The following DYNC2LI1 variants were observed in gnomAD, a reference collection of about 807,000 sequenced individuals.
DYNC2LI1 encodes dynein cytoplasmic 2 light intermediate chain 1, also known as cytoplasmic dynein 2 light intermediate chain 1.
Under a neutral mutation model 51.9 loss-of-function variants are expected in DYNC2LI1, and 45 were observed. That is an observed-to-expected ratio of 0.87 (90% CI 0.68 to 1.11). The LOEUF (loss-of-function observed/expected upper bound fraction) is 1.11. Ranked by LOEUF, DYNC2LI1 falls within the 50% of genes most tolerant of loss-of-function variation. The pLI is 0.00. For missense variants in DYNC2LI1, 490 were observed against 417.4 expected (o/e 1.17, Z -1.51); for synonymous variants, 130 against 137.8 (o/e 0.94, Z 0.40).
In DYNC2LI1 at chr2:43,805,136, T is replaced by G; in HGVS notation, c.901-18T>G. The G allele has an allele frequency of 4.8e-5, 75 of 1,564,778 alleles. No individual in the cohort carries two copies. The highest frequency in any genetic ancestry group is 6.3e-5 in the Non-Finnish European group (72 of 1,140,096). On this transcript the variant is annotated intron_variant, in intron 11 of 12. Coordinates refer to ENST00000260605, the MANE Select transcript of DYNC2LI1 (RefSeq NM_016008.4). ...TTGGTTTATGGGCGTGAAGTGATTT[T>G]GAGATTTGTAATTTCAGAGTATTAA...
intron 8 of DYNC2LI1, among the ~76,000 whole-genome samples, chr2:43,798,577 G>T (rs564109590): frequency 7.9e-5 from 12 of 152,284 alleles, no homozygotes; most frequent in African/African-American, 2.9e-4. Context: ...TTTGATGGAG[G>T]GTCCAGTCTG....
rs1241138152 is a variant in DYNC2LI1, at chr2:43,805,224, A to C, written c.971A>C (p.Glu324Ala). 1.6e-5 allele frequency: 25 copies of C among 1,609,018 alleles called. No homozygotes were observed. Among genetic ancestry groups the C allele is most frequent in the Middle Eastern group, 1.7e-4 (1 of 6,028 alleles). ...CAGTATGCTGAAAATGAAGTCGATGAGATGAGAATTCAGAAGGATCTGGTA... is the reference window on the plus strand; with the variant it reads ...CAGTATGCTGAAAATGAAGTCGATGCGATGAGAATTCAGAAGGATCTGGTA... ...DPQYAENEVD[E>A]MRIQKDLELE... The change falls in exon 12 of 13, where the codon GAG becomes GCG. Residue 324 changes from glutamate to alanine, a missense_variant. Physicochemically the swap from Glu to Ala is moderately radical, Grantham distance 107. Transcript: ENST00000260605.
intron 9 of DYNC2LI1, 57 bp from the exon 10 acceptor site, chr2:43,801,582 G>A (rs1204859058): frequency 1.6e-6 from 2 of 1,278,644 alleles, no homozygotes; most frequent in East Asian, 2.3e-5. Flanking sequence ...TTACAGGAGA[G>A]CGTGGCAGCA....
intron 10 of DYNC2LI1, 137 bp from the exon 11 acceptor site, chr2:43,804,505 T>G: frequency 3.4e-6 from 2 of 588,370 alleles, no homozygotes; most frequent in South Asian, 5.6e-5. Flanking sequence ...TAGGGTAAAT[T>G]TTTATGGTGA....
At chr2:43,795,307 C>A in intron 6 of DYNC2LI1, 1 of 463,134 alleles carries the variant, frequency 2.2e-6, no homozygotes, top group Non-Finnish European at 2.8e-6. Context: ...AGATCAAGAC[C>A]ATCCTGGCCG....
At position 43,774,061 on chromosome 2, in the gene DYNC2LI1, C is replaced by T. The variant is rs1672894828; in HGVS notation, c.-78C>T. ...CCCAGAAGGCCTCACTCCCAGACTC[C>T]TTGCGGAGCTCGCCGCCTGATTCTA... On this transcript the variant is annotated 5_prime_UTR_variant, in exon 1 of 13. Transcript: ENST00000260605. The T allele has an allele frequency of 1.3e-6, 2 of 1,599,290 alleles. No individual in the cohort carries two copies. The highest frequency in any genetic ancestry group is 2.3e-5 in the South Asian group (2 of 88,842).
chr2:43,816,586 T>C, the DYNC2LI1 span, among the ~76,000 whole-genome samples: 1 of 152,142 alleles, frequency 6.6e-6, no homozygotes, highest in Non-Finnish European at 1.5e-5. Context: ...TTCTGTCACC[T>C]AGGCTGGAGT....
intron 2 of DYNC2LI1, among the ~76,000 whole-genome samples, chr2:43,777,532 A>G (rs1308750632): frequency 6.6e-6 from 1 of 152,238 alleles, no homozygotes; most frequent in African/African-American, 2.4e-5. Flanking sequence ...GGTGACACAA[A>G]AAGGTCAAGG....
chr2:43,801,624 C>G lies in DYNC2LI1; in HGVS notation c.732-15C>G. On this transcript the variant is annotated splice_polypyrimidine_tract_variant and intron_variant, in intron 9 of 12. Coordinates refer to ENST00000260605, the MANE Select transcript of DYNC2LI1 (RefSeq NM_016008.4). ...ATTGCTAAACTAATTTAGAATCTTT[C>G]TCTTCTCCACGTAGCAAATCAATAT... The G allele has an allele frequency of 6.3e-7, 1 of 1,595,340 alleles. No homozygotes were observed. The highest frequency in any genetic ancestry group is 2.2e-5 in the East Asian group (1 of 44,472).
At chr2:43,795,528 T>A (rs1673996319) in intron 6 of DYNC2LI1, among the ~76,000 whole-genome samples, 1 of 151,814 alleles carries the variant, frequency 6.6e-6, no homozygotes, top group Non-Finnish European at 1.5e-5. Flanking sequence ...AGAGGAAGTG[T>A]TTTTCATAGG....
chr2:43,816,624 G>A, the DYNC2LI1 span, among the ~76,000 whole-genome samples: 14 of 152,228 alleles, frequency 9.2e-5, no homozygotes, highest in Non-Finnish European at 1.5e-4. Context: ...GCTCACTGCA[G>A]CCTCCGCCTC....
chr2:43,828,321 T>A, the DYNC2LI1 span: 1 of 694,504 alleles, frequency 1.4e-6, no homozygotes, highest in Non-Finnish European at 2.4e-6. Flanking sequence ...CAGATTTAAA[T>A]AAATAATATG....
chr2:43,787,292 G>A, intron 4 of DYNC2LI1, 42 bp downstream of exon 4: 4 of 1,480,620 alleles, frequency 2.7e-6, no homozygotes, highest in South Asian at 1.2e-5. Context: ...CCATAGATGG[G>A]AAAGTAATGC....
At chr2:43,780,299 A>G (rs1673218632) in intron 2 of DYNC2LI1, among the ~76,000 whole-genome samples, 1 of 152,224 alleles carries the variant, frequency 6.6e-6, no homozygotes, top group African/African-American at 2.4e-5. Flanking sequence ...AAAGGCCTCC[A>G]TTGGGAGGCA....
At chr2:43,802,101 G>A (rs1666095226) in intron 10 of DYNC2LI1, among the ~76,000 whole-genome samples, 1 of 152,188 alleles carries the variant, frequency 6.6e-6, no homozygotes, top group African/African-American at 2.4e-5. Flanking sequence ...ATGAGAGACT[G>A]AAGTGGTAGA....
chr2:43,800,352 C>T (rs1367409468), intron 8 of DYNC2LI1, among the ~76,000 whole-genome samples: 2 of 152,188 alleles, frequency 1.3e-5, no homozygotes, highest in South Asian at 2.1e-4. Context: ...TGAGTATCAG[C>T]ATCATTAGAC....
chr2:43,822,479 C>CCCCCCCCCCCCCCCCCCCCCG, the DYNC2LI1 span: 1 of 668,688 alleles, frequency 1.5e-6, no homozygotes, highest in African/African-American at 2.3e-5. Flanking sequence ...CTCCCCCAGG[C>CCCCCCCCCCCCCCCCCCCCCG]CCCCCCCCAT....
downstream of DYNC2LI1, among the ~76,000 whole-genome samples, chr2:43,810,902 TA>T (rs1301108990): frequency 3.9e-5 from 6 of 152,234 alleles, no homozygotes; most frequent in African/African-American, 1.4e-4. Flanking sequence ...GAATTGTTAT[TA>T]TGTAATTTGA....
chr2:43,775,249 A>T (rs1467215650), intron 1 of DYNC2LI1, among the ~76,000 whole-genome samples: 2 of 152,206 alleles, frequency 1.3e-5, no homozygotes, highest in East Asian at 3.8e-4. Flanking sequence ...TAATAAAGGA[A>T]TGAAGGATTT....
Sources: gnomAD v4.1 joint callset for allele counts (sites outside exome capture counted in the v4.1 genomes callset) on GRCh38, gnomAD v4.1.1 for gene constraint, MANE v1.5 for transcripts, NCBI Gene and HGNC (gene_info 2026-07-23, HGNC 2026-07-21) for gene names.